Variants in PRKD1 observed in about 807,000 individuals in gnomAD.
The protein encoded by PRKD1 is serine/threonine-protein kinase D1.
In PRKD1, 63 loss-of-function variants were observed where a neutral mutation model predicts 95.9. The ratio of observed to expected loss-of-function variants is 0.66; its 90% CI spans 0.54 to 0.81. The LOEUF (loss-of-function observed/expected upper bound fraction) is 0.81. Ranked by LOEUF, PRKD1 falls within the 30% of genes least tolerant of loss-of-function variation. The pLI is 0.00. For missense variants in PRKD1, 1,048 were observed against 1,165.3 expected (o/e 0.90, Z 1.47); for synonymous variants, 425 against 423.1 (o/e 1.00, Z -0.05).
chr14:29,732,760 T>G (rs1160549786), intron 1 of PRKD1, among the ~76,000 whole-genome samples: 1 of 152,178 alleles, frequency 6.6e-6, no homozygotes, highest in Non-Finnish European at 1.5e-5. Flanking sequence ...CTCTTTAAAA[T>G]GTAATTCCCT....
chr14:29,580,720 G>T (rs939953672), intron 16 of PRKD1, among the ~76,000 whole-genome samples: 4 of 152,000 alleles, frequency 2.6e-5, no homozygotes, highest in African/African-American at 9.7e-5. Flanking sequence ...AAACATTTTT[G>T]AACACAGTTT....
At chr14:29,860,528 T>C (rs912165384) in intron 1 of PRKD1, among the ~76,000 whole-genome samples, 2 of 152,204 alleles carry the variant, frequency 1.3e-5, no homozygotes, top group Non-Finnish European at 2.9e-5. Context: ...TAATTCAAAC[T>C]TGAGCTCATT....
chr14:29,665,770 C>T (rs1882456423), intron 3 of PRKD1, among the ~76,000 whole-genome samples: 2 of 151,598 alleles, frequency 1.3e-5, no homozygotes, highest in Non-Finnish European at 2.9e-5. Context: ...TGTATACATA[C>T]ATAGATCTAT....
chr14:29,839,056 T>C (rs1164339237), intron 1 of PRKD1, among the ~76,000 whole-genome samples: 1 of 151,964 alleles, frequency 6.6e-6, no homozygotes, highest in Non-Finnish European at 1.5e-5. Context: ...ATGTTGAAGA[T>C]AAAGCCCACA....
chr14:29,620,081 C>A (rs1405312443), intron 13 of PRKD1, among the ~76,000 whole-genome samples: 2 of 151,702 alleles, frequency 1.3e-5, no homozygotes, highest in Non-Finnish European at 2.9e-5. Flanking sequence ...GGAAAGGATT[C>A]CCTATTTAAT....
At chr14:29,878,278 C>T (rs1160284923) in intron 1 of PRKD1, among the ~76,000 whole-genome samples, 1 of 141,408 alleles carries the variant, frequency 7.1e-6, no homozygotes, top group Non-Finnish European at 1.5e-5. Flanking sequence ...AACCAAGCTG[C>T]ACATGTACCC....
rs539442737 is a variant in PRKD1, at chr14:29,885,711, A to C, written c.264+41538T>G. On this transcript the variant is annotated intron_variant, in intron 1 of 17. Coordinates refer to ENST00000331968, the MANE Select transcript of PRKD1 (RefSeq NM_002742.3). ...GGGGGCATGGTGGCGCACACCTTTAATCCCCAGCATTTCGGAAAGCTGAGG... is the reference window on the plus strand; with the variant it reads ...GGGGGCATGGTGGCGCACACCTTTACTCCCCAGCATTTCGGAAAGCTGAGG... Among the ~76,000 whole-genome samples the C allele has an allele frequency of 1.8e-4, 27 of 150,922 alleles. No homozygotes were observed. In the South Asian group the frequency reaches 3.6e-3, roughly 20 times the overall value.
In PRKD1 at chr14:29,733,092, T is replaced by G. The variant is rs141177764; in HGVS notation, c.265-7418A>C. 8.2e-3 allele frequency among the ~76,000 whole-genome samples: 1,222 copies of G among 149,382 alleles called. 21 individuals are homozygous for G. Among genetic ancestry groups the G allele is most frequent in the African/African-American group, 0.029 (1,177 of 40,734 alleles). ...ATTTTCTTTTCTTTTTTTATTTTTTTAATTTTTATTTATTTATTTTTTTTT... is the reference window on the plus strand; with the variant it reads ...ATTTTCTTTTCTTTTTTTATTTTTTGAATTTTTATTTATTTATTTTTTTTT... On this transcript the variant is annotated intron_variant, in intron 1 of 17. Transcript: ENST00000331968.
At chr14:29,709,021 G>A (rs1002531789) in intron 2 of PRKD1, among the ~76,000 whole-genome samples, 2 of 152,006 alleles carry the variant, frequency 1.3e-5, no homozygotes, top group African/African-American at 4.8e-5. Context: ...AATATGTACT[G>A]CATGCTTGGA....
In PRKD1 at chr14:29,762,188, T is replaced by C. The variant is rs1375282097; in HGVS notation, c.265-36514A>G. Among the ~76,000 whole-genome samples, 3 of 152,166 alleles carry C rather than the reference T, an allele frequency of 2.0e-5. No individual in the cohort carries two copies. In the East Asian group the frequency reaches 5.8e-4, roughly 29 times the overall value. ...ATTCTTTGGATAAACACACTAGTTTTATAGTATAATCAGGACACTATGTGT... is the reference window on the plus strand; with the variant it reads ...ATTCTTTGGATAAACACACTAGTTTCATAGTATAATCAGGACACTATGTGT... On this transcript the variant is annotated intron_variant, in intron 1 of 17. Transcript: ENST00000331968.
chr14:29,749,441 CAG>C (rs1887378895), intron 1 of PRKD1, among the ~76,000 whole-genome samples: 1 of 152,114 alleles, frequency 6.6e-6, no homozygotes, highest in African/African-American at 2.4e-5. Context: ...GGACGGCACA[CAG>C]GGGTCACTCT....
intron 2 of PRKD1, among the ~76,000 whole-genome samples, chr14:29,705,400 T>G (rs1057485166): frequency 6.6e-6 from 1 of 151,870 alleles, no homozygotes; most frequent in African/African-American, 2.4e-5. Context: ...TGCACCAACC[T>G]AACCCTCCTT....
intron 12 of PRKD1, among the ~76,000 whole-genome samples, chr14:29,624,823 TATC>T (rs1216483717): frequency 1.3e-5 from 2 of 152,128 alleles, no homozygotes; most frequent in African/African-American, 4.8e-5. Flanking sequence ...AATGGTTAGT[TATC>T]ATCATCATCA....
chr14:29,643,234 A>G (rs1880914763), intron 4 of PRKD1, among the ~76,000 whole-genome samples: 1 of 152,160 alleles, frequency 6.6e-6, no homozygotes, highest in Non-Finnish European at 1.5e-5. Flanking sequence ...GGCAAATTAT[A>G]TATGATGACA....
At chr14:29,687,471 C>T (rs1383487740) in intron 2 of PRKD1, among the ~76,000 whole-genome samples, 1 of 152,208 alleles carries the variant, frequency 6.6e-6, no homozygotes, top group Non-Finnish European at 1.5e-5. Context: ...TTGTTAACTT[C>T]TTCAAGGTCA....
At chr14:29,826,804 C>CACATATATATATACAT (rs1891188354) in intron 1 of PRKD1, among the ~76,000 whole-genome samples, 1 of 33,504 alleles carries the variant, frequency 3.0e-5, no homozygotes, top group African/African-American at 1.1e-4. Context: ...TATATATACA[C>CACATATATATATACAT]ATATATATAC....
chr14:29,653,856 G>A (rs578169499), intron 4 of PRKD1, among the ~76,000 whole-genome samples: 1 of 152,256 alleles, frequency 6.6e-6, no homozygotes, highest in African/African-American at 2.4e-5. Flanking sequence ...CACCATGGCT[G>A]AAATACAAAT....
chr14:29,873,122 A>G (rs1284296407), intron 1 of PRKD1, among the ~76,000 whole-genome samples: 8 of 152,032 alleles, frequency 5.3e-5, no homozygotes, highest in Non-Finnish European at 1.0e-4. Context: ...GTCTCGCTCT[A>G]TCACCCAGGC....
intron 2 of PRKD1, among the ~76,000 whole-genome samples, chr14:29,720,441 T>G (rs928058396): frequency 3.9e-5 from 6 of 152,088 alleles, no homozygotes; most frequent in African/African-American, 1.2e-4. Flanking sequence ...TATGATACTT[T>G]CATCTAGTAG....
Sources: gnomAD v4.1 joint callset for allele counts (sites outside exome capture counted in the v4.1 genomes callset) on GRCh38, gnomAD v4.1.1 for gene constraint, MANE v1.5 for transcripts, NCBI Gene and HGNC (gene_info 2026-07-23, HGNC 2026-07-21) for gene names.